The following ZNF862 variants were observed in gnomAD, a reference collection of about 807,000 sequenced individuals.
ZNF862 encodes the protein zinc finger protein 862.
A neutral mutation model predicts 91.1 loss-of-function variants in ZNF862; 64 were observed. That is an observed-to-expected ratio of 0.70 (90% CI 0.57 to 0.87). The LOEUF is 0.87. Ranked by LOEUF, ZNF862 falls within the 40% of genes least tolerant of loss-of-function variation. ZNF862 has a pLI of 0.00. For synonymous variants in ZNF862, 631 were observed against 618.1 expected, an observed-to-expected ratio of 1.02 and a Z score of -0.31; for missense variants, 1,459 against 1,528.0, an observed-to-expected ratio of 0.95 and a Z score of 0.75.
intron 5 of ZNF862, among the ~76,000 whole-genome samples, chr7:149,853,799 G>C (rs561788339): frequency 2.0e-5 from 3 of 151,968 alleles, no homozygotes; most frequent in Admixed American, 1.3e-4. Context: ...TTAGCCGAGC[G>C]TAGTGGCACA....
rs1354177594 is a variant in ZNF862, at chr7:149,850,274, C to T, written c.1053C>T (p.Asp351=). ...CCCGGGAGGAGTGGGGCATGCTAGA[C>T]AAGCGGCAGAAGGAGCTGTACAGAG... ...YFTREEWGML[D]KRQKELYRDV... Residue 351 remains aspartate (D), a synonymous_variant, in exon 5 of 8, where the codon GAC becomes GAT. Coordinates refer to ENST00000223210, the MANE Select transcript of ZNF862 (RefSeq NM_001099220.3). The surrounding 1 kb of genome is among the most constrained non-coding windows in gnomAD (Gnocchi z 4.2). 6.2e-7 allele frequency: 1 copy of T among 1,613,788 alleles called. No individual in the cohort carries two copies. The highest frequency in any genetic ancestry group is 8.5e-7 in the Non-Finnish European group (1 of 1,179,900).
At position 149,848,275 on chromosome 7, in the gene ZNF862, C is replaced by A; in HGVS notation, c.782C>A (p.Ser261Ter). 1 of 1,611,744 alleles carries A rather than the reference C, an allele frequency of 6.2e-7. No homozygotes were observed. Among genetic ancestry groups the A allele is most frequent in the South Asian group, 1.1e-5 (1 of 90,622 alleles). The change falls in exon 4 of 8, where the codon TCA becomes TAA. Residue 261 changes from serine to a stop codon, truncating the protein, a stop_gained. Transcript: ENST00000223210. LOFTEE classifies it high-confidence loss of function. ...FDSMAELLPSSRAELEDPGGD... is the reference protein window; with the variant it reads ...FDSMAELLPS ...AGCATGGCTGAGCTCCTGCCAAGTT[C>A]AAGAGCTGAACTAGAGGACCCTGGG...
chr7:149,841,231 A>G lies in ZNF862; in HGVS notation c.24+2596A>G, dbSNP rs75230311. On this transcript the variant is annotated intron_variant, in intron 1 of 7. Transcript: ENST00000223210. Reference sequence around the variant, plus strand: ...TCTTATGGCTCAGAACTGGGAGACTACCTCGTGAGATAGTGGTTTGGTCTA... The same window carrying G: ...TCTTATGGCTCAGAACTGGGAGACTGCCTCGTGAGATAGTGGTTTGGTCTA... 1.9e-3 allele frequency: 1,905 copies of G among 985,370 alleles called. 17 individuals carry two copies. In the African/African-American group the frequency reaches 0.025, roughly 13 times the overall value. 61.0% of individuals were successfully genotyped at this position (985,370 alleles called of 1,614,324 possible).
In ZNF862 at chr7:149,861,031, T is replaced by C. The variant is rs1802460896; in HGVS notation, c.1871T>C (p.Val624Ala). The C allele has an allele frequency of 6.2e-7, 1 of 1,612,988 alleles. No homozygotes were observed. Among genetic ancestry groups the C allele is most frequent in the Non-Finnish European group, 8.5e-7 (1 of 1,179,734 alleles). Residue 624 changes from valine to alanine, a missense_variant, in exon 7 of 8, where the codon GTG (valine) becomes GCG (alanine). By Grantham distance (64) the Val-to-Ala change is moderately conservative (BLOSUM62 0). Coordinates refer to ENST00000223210, the MANE Select transcript of ZNF862 (RefSeq NM_001099220.3). This position sits in a 1 kb window ranked among gnomAD's most constrained non-coding sequence, Gnocchi z 6.7. ...ILEDVRNSPCVSVLLDSSTDA... is the reference protein window; with the variant it reads ...ILEDVRNSPCASVLLDSSTDA... ...GAGGACGTGCGGAACTCGCCCTGTG[T>C]GAGCGTGCTGCTGGACAGCTCCACC...
At chr7:149,854,884 T>C (rs947069327) in intron 5 of ZNF862, among the ~76,000 whole-genome samples, 9 of 152,230 alleles carry the variant, frequency 5.9e-5, no homozygotes, top group African/African-American at 1.9e-4. Flanking sequence ...TTTAAAGAGC[T>C]GTGTAATTAG....
intron 1 of ZNF862, among the ~76,000 whole-genome samples, chr7:149,844,150 G>A (rs887683001): frequency 1.3e-5 from 2 of 152,216 alleles, no homozygotes; most frequent in Admixed American, 6.5e-5. Context: ...CAAGCCACAC[G>A]GGATGTAGAT....
rs1563126187 is a variant in ZNF862, at chr7:149,861,215, C to T, written c.2055C>T (p.Phe685=). 2.5e-6 allele frequency: 4 copies of T among 1,612,378 alleles called. No homozygotes were observed. The highest frequency in any genetic ancestry group is 3.4e-6 in the Non-Finnish European group (4 of 1,179,576). Residue 685 remains phenylalanine, a synonymous_variant, in exon 7 of 8, where the codon TTC becomes TTT. Transcript: ENST00000223210. This position sits in a 1 kb window ranked among gnomAD's most constrained non-coding sequence, Gnocchi z 6.7. ...CCCTGGATGAGCTGGACATCCCCTT[C>T]CGGAAGCCTGGCTGGGTGGTGGGGC... is the stretch of plus-strand genomic sequence containing the variant. ...VSALDELDIP[F]RKPGWVVGLG...
In ZNF862 at chr7:149,840,557, C is replaced by T. The variant is rs1357201379; in HGVS notation, c.24+1922C>T. On this transcript the variant is annotated intron_variant, in intron 1 of 7. Coordinates refer to ENST00000223210, the MANE Select transcript of ZNF862 (RefSeq NM_001099220.3). ...CACATTCTCTCACCACTCACTCACT[C>T]ACTCACTCACTCACCCAGAGCAACT... Among the ~76,000 whole-genome samples, 3 of 151,926 alleles carry T rather than the reference C, an allele frequency of 2.0e-5. No homozygotes were observed. In the East Asian group the frequency reaches 5.8e-4, roughly 29 times the overall value.
chr7:149,840,470 C>T (rs570633123), intron 1 of ZNF862, among the ~76,000 whole-genome samples: 4 of 152,216 alleles, frequency 2.6e-5, no homozygotes, highest in East Asian at 1.9e-4. Flanking sequence ...ATAAATTCGG[C>T]GTAGCCTTAG....
rs375558823 is a variant in ZNF862 at position 149,862,397 on chromosome 7, C to T, written c.3237C>T (p.Asp1079=). Residue 1079 remains aspartate (D), a synonymous_variant, in exon 7 of 8, where the codon GAC becomes GAT. Coordinates refer to ENST00000223210, the MANE Select transcript of ZNF862 (RefSeq NM_001099220.3). ...ACGGCGTGGCCGTCACGGAGTACGACCCCCAGCCCGCCATCCAGCACTGGT... is the reference window on the plus strand; with the variant it reads ...ACGGCGTGGCCGTCACGGAGTACGATCCCCAGCCCGCCATCCAGCACTGGT... ...AVNGVAVTEY[D]PQPAIQHWYL... 3 of 1,611,720 alleles carry T rather than the reference C, an allele frequency of 1.9e-6. No individual in the cohort carries two copies. The highest frequency in any genetic ancestry group is 2.5e-6 in the Non-Finnish European group (3 of 1,178,986).
At position 149,861,017 on chromosome 7, in the gene ZNF862, G is replaced by A; in HGVS notation, c.1857G>A (p.Arg619=). The change falls in exon 7 of 8, where the codon CGG becomes CGA. Residue 619 remains arginine, a synonymous_variant. Transcript: ENST00000223210. This position sits in a 1 kb window ranked among gnomAD's most constrained non-coding sequence, Gnocchi z 6.7. The part of the protein sequence containing the change: ...TLKREILEDV[R]NSPCVSVLLD... ...AGAGGGAGATCCTGGAGGACGTGCGGAACTCGCCCTGTGTGAGCGTGCTGC... is the reference window on the plus strand; with the variant it reads ...AGAGGGAGATCCTGGAGGACGTGCGAAACTCGCCCTGTGTGAGCGTGCTGC... The A allele has an allele frequency of 6.2e-7, 1 of 1,613,082 alleles. No individual in the cohort carries two copies. The highest frequency in any genetic ancestry group is 8.5e-7 in the Non-Finnish European group (1 of 1,179,738).
Position 149,844,801 on chromosome 7 carries a change from G to A in ZNF862, c.136+65G>A, listed in dbSNP as rs539771214. 5.0e-5 allele frequency: 55 copies of A among 1,102,284 alleles called. No homozygotes were observed. In the Middle Eastern group the frequency reaches 6.5e-4, roughly 13 times the overall value. 68.3% of individuals were successfully genotyped at this position (1,102,284 alleles called of 1,614,324 possible). ...GATCGGCATTCCCAACCTCATCTGC[G>A]TCAGGAACACTGGAGAGAGTTTTCT... is the stretch of plus-strand genomic sequence containing the variant. On this transcript the variant is annotated intron_variant, in intron 2 of 7. Transcript: ENST00000223210.
intron 5 of ZNF862, among the ~76,000 whole-genome samples, chr7:149,852,337 TTGTG>T (rs10674865): frequency 1.0e-3 from 142 of 140,506 alleles, no homozygotes; most frequent in African/African-American, 3.0e-3. Flanking sequence ...GAACTCAGTT[TTGTG>T]TGTGTGTGTG....
chr7:149,843,060 C>A (rs1333186297), intron 1 of ZNF862, among the ~76,000 whole-genome samples: 2 of 152,070 alleles, frequency 1.3e-5, no homozygotes, highest in African/African-American at 4.8e-5. Context: ...TTAACAGATT[C>A]TCAGGAAAGA....
intron 5 of ZNF862, among the ~76,000 whole-genome samples, chr7:149,852,393 G>A (rs1244388342): frequency 1.3e-5 from 2 of 150,882 alleles, no homozygotes; most frequent in South Asian, 2.1e-4. Context: ...GAGAGAGACA[G>A]GCTGTCACTC....
In ZNF862 at chr7:149,861,802, G is replaced by A; in HGVS notation, c.2642G>A (p.Ser881Asn). 6.2e-7 allele frequency: 1 copy of A among 1,613,674 alleles called. No individual in the cohort carries two copies. Among genetic ancestry groups the A allele is most frequent in the African/African-American group, 1.3e-5 (1 of 75,070 alleles). ...GGCCGCGCCTACGTGGCACTGGAGA[G>A]CCTCCGTCACCAGGCAGGGCCCAAA... is the stretch of plus-strand genomic sequence containing the variant. ...TLGRAYVALE[S>N]LRHQAGPKEE... The change falls in exon 7 of 8, where the codon AGC becomes AAC. Residue 881 changes from serine (S) to asparagine (N), a missense_variant. Transcript: ENST00000223210. This position sits in a 1 kb window ranked among gnomAD's most constrained non-coding sequence, Gnocchi z 6.7.
rs190087082 is a variant in ZNF862, at chr7:149,860,789, C to T, written c.1629C>T (p.Leu543=). Residue 543 remains leucine, a synonymous_variant, in exon 7 of 8, where the codon CTC becomes CTT. Transcript: ENST00000223210. ...EIKEDTPHTA[L]VPEISSDLMA... is the part of the protein sequence containing the mutation. The stretch of plus-strand genomic sequence containing the variant: ...AGGAAGACACCCCTCACACTGCCCT[C>T]GTTCCAGAGATCTCCAGCGACCTCA... 5.5e-5 allele frequency: 89 copies of T among 1,613,870 alleles called. No homozygotes were observed. In the East Asian group the frequency reaches 7.8e-4, roughly 14 times the overall value.
Position 149,848,209 on chromosome 7 carries a change from GC to G in ZNF862, c.720del (p.Ile241TyrfsTer25). 1 of 1,613,982 alleles carries G rather than the reference GC, an allele frequency of 6.2e-7. No individual in the cohort carries two copies. Among genetic ancestry groups the G allele is most frequent in the South Asian group, 1.1e-5 (1 of 91,064 alleles). Reference sequence around the variant, plus strand: ...CCGGAGCCGCTCTTCACTGCAGATTGCCCCATATTCTACCCCCCAGGGCCTC... The same window carrying G: ...CCGGAGCCGCTCTTCACTGCAGATTGCCCATATTCTACCCCCCAGGGCCTC... The part of the protein sequence containing the change: ...ASPEPLFTAD[C>X]PIFYPPGPLG... On this transcript the variant is annotated frameshift_variant, in exon 4 of 8. Transcript: ENST00000223210. LOFTEE classifies it high-confidence loss of function.
intron 1 of ZNF862, 76 bp from the exon 2 acceptor site, chr7:149,844,549 C>T: frequency 9.4e-7 from 1 of 1,059,334 alleles, no homozygotes; most frequent in Middle Eastern, 2.0e-4. Flanking sequence ...AGGGTGCCCT[C>T]AGGTGGTCAG....
Sources: gnomAD v4.1 joint callset for allele counts (sites outside exome capture counted in the v4.1 genomes callset) on GRCh38, gnomAD v4.1.1 for gene constraint, Gnocchi (gnomAD v3.1) non-coding constraint, MANE v1.5 for transcripts, NCBI Gene and HGNC (gene_info 2026-07-23, HGNC 2026-07-21) for gene names.